Variants in PSD3 observed in about 807,000 individuals in gnomAD.
PSD3 encodes PH and SEC7 domain-containing protein 3.
PSD3 carries 49 observed loss-of-function variants against 105.5 expected under a neutral mutation model. The ratio of observed to expected loss-of-function variants is 0.46; its 90% confidence interval spans 0.37 to 0.59. The LOEUF (loss-of-function observed/expected upper bound fraction) is 0.59. Among genes scored for constraint, PSD3 ranks in the 20% least tolerant of loss-of-function variants. PSD3 has a pLI of 0.00. For synonymous variants in PSD3, 557 were observed against 457.8 expected (o/e 1.22, Z -2.77); for missense variants, 1,561 against 1,263.8 (o/e 1.24, Z -3.57).
At chr8:19,070,614 G>A (rs972259336) in intron 1 of PSD3, among the ~76,000 whole-genome samples, 2 of 152,146 alleles carry the variant, frequency 1.3e-5, no homozygotes, top group African/African-American at 4.8e-5. Flanking sequence ...GGAGGCGGAG[G>A]TTGCAGTGAG....
intron 15 of PSD3, among the ~76,000 whole-genome samples, chr8:18,552,654 T>A (rs1382847167): frequency 6.6e-6 from 1 of 152,194 alleles, no homozygotes; most frequent in Non-Finnish European, 1.5e-5. Context: ...AAATGGGAAC[T>A]GAATAAAATA....
chr8:19,040,050 G>A (rs1828068904), intron 1 of PSD3, among the ~76,000 whole-genome samples: 1 of 152,128 alleles, frequency 6.6e-6, no homozygotes, highest in African/African-American at 2.4e-5. Flanking sequence ...ATGAATGAGG[G>A]AATGCACCAC....
intron 10 of PSD3, among the ~76,000 whole-genome samples, chr8:18,638,294 A>G (rs1807414297): frequency 6.6e-6 from 1 of 151,410 alleles, no homozygotes; most frequent in South Asian, 2.1e-4. Context: ...TGTTCAACAC[A>G]GTTTTGGGAG....
chr8:18,668,035 G>A (rs1029921545), intron 9 of PSD3, among the ~76,000 whole-genome samples: 1 of 152,070 alleles, frequency 6.6e-6, no homozygotes, highest in Admixed American at 6.5e-5. Context: ...CAAGCTCCGC[G>A]CGCAACCCGG....
intron 1 of PSD3, among the ~76,000 whole-genome samples, chr8:18,946,675 G>A (rs1480540933): frequency 2.0e-5 from 3 of 151,992 alleles, no homozygotes; most frequent in African/African-American, 7.2e-5. Context: ...CGAGGTGGGT[G>A]GATCACCTGA....
At chr8:18,922,797 G>A (rs1481915477) in intron 2 of PSD3, among the ~76,000 whole-genome samples, 1 of 152,140 alleles carries the variant, frequency 6.6e-6, no homozygotes, top group Non-Finnish European at 1.5e-5. Flanking sequence ...AACCACTTAT[G>A]TTTACCAACT....
intron 9 of PSD3, among the ~76,000 whole-genome samples, chr8:18,735,455 A>G (rs1804083854): frequency 6.6e-6 from 1 of 152,168 alleles, no homozygotes; most frequent in African/African-American, 2.4e-5. Context: ...ACTCCCTAGG[A>G]TAAGATTCCC....
In PSD3 at chr8:18,636,197, G is replaced by A. The variant is rs191288343; in HGVS notation, c.2217-3391C>T. On this transcript the variant is annotated intron_variant, in intron 10 of 15. Transcript: ENST00000327040. ...CTTGTGTGGCCCTAAGCCAGCGTGTGTATTTGTGTTCTAATTATTTTTATT... is the reference window on the plus strand; with the variant it reads ...CTTGTGTGGCCCTAAGCCAGCGTGTATATTTGTGTTCTAATTATTTTTATT... 9.9e-5 allele frequency among the ~76,000 whole-genome samples: 15 copies of A among 152,188 alleles called. No homozygotes were observed. The East Asian group carries it at 2.7e-3, about 27-fold the overall frequency.
chr8:18,759,002 C>T (rs536037491), intron 9 of PSD3, among the ~76,000 whole-genome samples: 2 of 151,844 alleles, frequency 1.3e-5, no homozygotes, highest in Non-Finnish European at 2.9e-5. Context: ...TTTTATCACT[C>T]CATTCATGGA....
chr8:19,009,015 A>G (rs925974576), intron 1 of PSD3, among the ~76,000 whole-genome samples: 1 of 152,260 alleles, frequency 6.6e-6, no homozygotes, highest in African/African-American at 2.4e-5. Flanking sequence ...TTAGAAATTA[A>G]AAAGAAATTA....
intron 1 of PSD3, among the ~76,000 whole-genome samples, chr8:18,962,752 A>G (rs1824000887): frequency 6.6e-6 from 1 of 152,244 alleles, no homozygotes; most frequent in South Asian, 2.1e-4. Flanking sequence ...GCATGACTAT[A>G]TACTATGAGC....
intron 2 of PSD3, among the ~76,000 whole-genome samples, chr8:18,917,525 C>T (rs1820702872): frequency 6.6e-6 from 1 of 152,180 alleles, no homozygotes; most frequent in African/African-American, 2.4e-5. Flanking sequence ...CGACCTACAG[C>T]AAGTCCTCAA....
intron 14 of PSD3, among the ~76,000 whole-genome samples, chr8:18,563,256 T>C (rs1032746720): frequency 4.6e-5 from 7 of 152,170 alleles, no homozygotes; most frequent in Non-Finnish European, 8.8e-5. Flanking sequence ...GCCAAGGCAA[T>C]TGTCTCACCT....
chr8:18,825,363 T>C (rs1813089576), intron 4 of PSD3, among the ~76,000 whole-genome samples: 1 of 152,176 alleles, frequency 6.6e-6, no homozygotes, highest in Non-Finnish European at 1.5e-5. Flanking sequence ...AAAACACACA[T>C]GGCCAGGTAC....
At chr8:19,026,994 C>T (rs1458375007) in intron 1 of PSD3, among the ~76,000 whole-genome samples, 1 of 152,074 alleles carries the variant, frequency 6.6e-6, no homozygotes, top group African/African-American at 2.4e-5. Flanking sequence ...TTAAGAATTT[C>T]TTTGATTTCA....
chr8:18,617,256 C>T (rs1476398066), intron 11 of PSD3, among the ~76,000 whole-genome samples: 1 of 152,040 alleles, frequency 6.6e-6, no homozygotes, highest in Non-Finnish European at 1.5e-5. Context: ...ACTGGCCGGG[C>T]ATGGTCGCTC....
intron 9 of PSD3, among the ~76,000 whole-genome samples, chr8:18,753,494 C>T (rs932178319): frequency 1.3e-5 from 2 of 152,076 alleles, no homozygotes; most frequent in African/African-American, 4.8e-5. Flanking sequence ...TGGCTTCTGG[C>T]GTTTCTGCAA....
rs556660041 is a variant in PSD3, at chr8:19,073,465, C to T, written c.324+10741G>A. The stretch of plus-strand genomic sequence containing the variant: ...ACTTGGGAGGCTGAGGAACAAGAAT[C>T]GCTTGAACTCAGGAGGTGGAGGTTG... On this transcript the variant is annotated intron_variant, in intron 1 of 1. Coordinates refer to the PSD3 transcript ENST00000521475. Among the ~76,000 whole-genome samples, 239 of 141,078 alleles carry T rather than the reference C, an allele frequency of 1.7e-3. 2 individuals carry two copies. Among genetic ancestry groups the T allele is most frequent in the Non-Finnish European group, 2.5e-3 (167 of 66,346 alleles). 92.6% of individuals were successfully genotyped at this position (141,078 alleles called of 152,430 possible). A position where few individuals can be genotyped will look rare whatever the true frequency, so the allele number is the denominator to read the frequency against.
intron 8 of PSD3, among the ~76,000 whole-genome samples, chr8:18,784,876 T>A (rs1808981229): frequency 6.6e-6 from 1 of 152,166 alleles, no homozygotes; most frequent in Non-Finnish European, 1.5e-5. Flanking sequence ...CAGACATGGC[T>A]GATTAAATCA....
Sources: allele counts gnomAD v4.1 joint callset (sites outside exome capture counted in the v4.1 genomes callset), GRCh38; gene constraint gnomAD v4.1.1; transcripts MANE v1.5; gene names NCBI Gene and HGNC (gene_info 2026-07-23, HGNC 2026-07-21).